PCNT: variants seen among roughly 807,000 people sequenced by gnomAD.
PCNT encodes kendrin.
In PCNT, 319 loss-of-function variants were observed where a neutral mutation model predicts 380.4. That is an observed-to-expected ratio of 0.84 (90% CI 0.77 to 0.92). The LOEUF is 0.92. PCNT is among the 40% of genes least tolerant of loss of function. The probability of loss-of-function intolerance (pLI) is 0.00; values close to 1 mark genes in which losing one functional copy is unlikely to be tolerated. For synonymous variants in PCNT, 1,845 were observed against 1,735.2 expected, an observed-to-expected ratio of 1.06 and a Z score of -1.57; for missense variants, 4,400 against 4,255.3, an observed-to-expected ratio of 1.03 and a Z score of -0.95.
At chr21:46,342,790 A>G (rs1434935994) in intron 3 of PCNT, among the ~76,000 whole-genome samples, 1 of 152,066 alleles carries the variant, frequency 6.6e-6, no homozygotes, top group African/African-American at 2.4e-5. Context: ...CGGCCTCCCA[A>G]AGTGCTGGGA....
rs892137240 is a variant in PCNT, at chr21:46,411,449, C to G, written c.5376C>G (p.Leu1792=). 1 of 1,610,954 alleles carries G rather than the reference C, an allele frequency of 6.2e-7. No individual in the cohort carries two copies. Among genetic ancestry groups the G allele is most frequent in the Non-Finnish European group, 8.5e-7 (1 of 1,179,320 alleles). ...GTGGGCAGGCCCTACAGGGCGAGCT[C>G]GAGGCTGCGCTGGAAGCCAAGGAGG... ...GPRGQALQGE[L]EAALEAKEAL... Residue 1792 remains leucine (L), a synonymous_variant, in exon 28 of 47, where the codon CTC becomes CTG. Transcript: ENST00000359568.
At chr21:46,430,474 G>A (rs1360947753) in intron 36 of PCNT, 33 bp from the exon 37 acceptor site, 20 of 1,549,112 alleles carry the variant, frequency 1.3e-5, no homozygotes, top group Non-Finnish European at 1.5e-5. Context: ...TCTGGCCCAC[G>A]TGGTCAGATT....
At chr21:46,351,751 A>C (rs2084281817) in intron 9 of PCNT, among the ~76,000 whole-genome samples, 2 of 152,246 alleles carry the variant, frequency 1.3e-5, no homozygotes, top group Non-Finnish European at 2.9e-5. Context: ...AAGTCAGTGC[A>C]GCAGTGACGT....
intron 11 of PCNT, 150 bp downstream of exon 11, chr21:46,354,218 T>G: frequency 1.3e-6 from 1 of 748,774 alleles, no homozygotes; most frequent in Non-Finnish European, 2.4e-6. Context: ...ACCTCACTGC[T>G]GCTCCGCGGT....
intron 44 of PCNT, chr21:46,442,803 A>G (rs1345194995): frequency 1.7e-6 from 1 of 592,576 alleles, no homozygotes; most frequent in Non-Finnish European, 3.0e-6. Flanking sequence ...CGGCGATGGG[A>G]AACACTGAGA....
rs73146772 is a variant in PCNT at position 46,418,563 on chromosome 21, C to T, written c.7024+257C>T. On this transcript the variant is annotated intron_variant, in intron 31 of 46. Coordinates refer to ENST00000359568, the MANE Select transcript of PCNT (RefSeq NM_006031.6). ...GTTCACCCTGATCCAAGGCTGGCAT[C>T]TCAGCTACAGCTACAGACCTTGCTC... Among the ~76,000 whole-genome samples, 419 of 152,386 alleles carry T rather than the reference C, an allele frequency of 2.7e-3. 2 individuals carry two copies. Among genetic ancestry groups the T allele is most frequent in the Non-Finnish European group, 4.6e-3 (310 of 68,048 alleles).
intron 27 of PCNT, 51 bp from the exon 28 acceptor site, chr21:46,411,138 A>G (rs780230536): frequency 6.4e-7 from 1 of 1,566,728 alleles, no homozygotes; most frequent in Non-Finnish European, 8.8e-7. Context: ...AAGTAGGGAC[A>G]TTCGGAAGTG....
At chr21:46,373,381 C>T (rs568923111) in intron 15 of PCNT, among the ~76,000 whole-genome samples, 6 of 150,838 alleles carry the variant, frequency 4.0e-5, no homozygotes, top group South Asian at 2.1e-4. Flanking sequence ...CAGGTTTGCG[C>T]GAGTAAGTTA....
intron 37 of PCNT, chr21:46,431,046 T>C: frequency 1.0e-6 from 1 of 985,458 alleles, no homozygotes; most frequent in Non-Finnish European, 1.2e-6. Flanking sequence ...CTGCTGTGGC[T>C]TCTGAGCAAG....
intron 32 of PCNT, among the ~76,000 whole-genome samples, chr21:46,422,995 C>T (rs1432832338): frequency 6.6e-6 from 1 of 152,158 alleles, no homozygotes; most frequent in African/African-American, 2.4e-5. Flanking sequence ...TGCCTATGAT[C>T]CCAGCACTTC....
intron 3 of PCNT, among the ~76,000 whole-genome samples, chr21:46,339,077 C>T (rs142099243): frequency 5.9e-4 from 90 of 152,016 alleles, no homozygotes; most frequent in African/African-American, 1.8e-3. Context: ...CCACCGCACC[C>T]GGCCTAATTT....
At chr21:46,343,955 G>C (rs1456646625) in intron 3 of PCNT, among the ~76,000 whole-genome samples, 1 of 151,964 alleles carries the variant, frequency 6.6e-6, no homozygotes, top group Non-Finnish European at 1.5e-5. Flanking sequence ...CTGTGGTATT[G>C]GTTGTAATGT....
chr21:46,366,868 T>A lies in PCNT; in HGVS notation c.2894T>A (p.Leu965Gln). 1.1e-5 allele frequency: 18 copies of A among 1,614,170 alleles called. No individual in the cohort carries two copies. The highest frequency in any genetic ancestry group is 1.5e-5 in the Non-Finnish European group (18 of 1,180,050). ...CTCGGCGCTCTGGAGACCAGACATC[T>A]GTCCAGCCTTGATTCTTTGGAATCC... ...ADLGALETRH[L>Q]SSLDSLESCY... is the part of the protein sequence containing the mutation. The change falls in exon 15 of 47, where the codon CTG (leucine) becomes CAG (glutamine). Residue 965 changes from leucine to glutamine, a missense_variant. Leu to Gln is a moderately radical substitution (Grantham distance 113, BLOSUM62 -2). Transcript: ENST00000359568.
At chr21:46,417,461 G>A (rs1255292258) in intron 30 of PCNT, among the ~76,000 whole-genome samples, 1 of 151,858 alleles carries the variant, frequency 6.6e-6, no homozygotes, top group African/African-American at 2.4e-5. Context: ...CAAAGTGCTG[G>A]GCTTACAGGC....
At chr21:46,336,966 A>T (rs2083759455) in intron 3 of PCNT, among the ~76,000 whole-genome samples, 1 of 148,786 alleles carries the variant, frequency 6.7e-6, no homozygotes, top group Non-Finnish European at 1.5e-5. Context: ...CTTTAAAAAA[A>T]AAAATTAGAA....
chr21:46,327,749 T>G (rs965527183), intron 2 of PCNT, among the ~76,000 whole-genome samples: 4 of 152,258 alleles, frequency 2.6e-5, no homozygotes, highest in Non-Finnish European at 5.9e-5. Context: ...TAAATGCACC[T>G]GCTTGTCACA....
chr21:46,388,929 CT>C lies in PCNT; in HGVS notation c.3607+46del. 4 of 1,551,544 alleles carry C rather than the reference CT, an allele frequency of 2.6e-6. No homozygotes were observed. The highest frequency in any genetic ancestry group is 3.5e-6 in the Non-Finnish European group (4 of 1,154,932). ...CTGCCCAGCCCTGTGCTTGCAGCCCCTCTGTGGTCCTGGAGCTCTCTGAGAG... is the reference window on the plus strand; with the variant it reads ...CTGCCCAGCCCTGTGCTTGCAGCCCCCTGTGGTCCTGGAGCTCTCTGAGAG... On this transcript the variant is annotated intron_variant, in intron 18 of 46. Transcript: ENST00000359568. This position sits in a 1 kb window ranked among gnomAD's most constrained non-coding sequence, Gnocchi z 4.2.
rs1302853233 is a variant in PCNT at position 46,412,036 on chromosome 21, C to G, written c.5963C>G (p.Ala1988Gly). 6.2e-7 allele frequency: 1 copy of G among 1,608,208 alleles called. No homozygotes were observed. The highest frequency in any genetic ancestry group is 8.5e-7 in the Non-Finnish European group (1 of 1,179,842). ...GGCGACGTGGAGGCCTCCCATGATG[C>G]TGCTTTGGAGCCGGTTGTCCCTGAC... ...VTGDVEASHDAALEPVVPDPQ... is the reference protein window; with the variant it reads ...VTGDVEASHDGALEPVVPDPQ... Residue 1988 changes from alanine to glycine, a missense_variant, in exon 28 of 47, where the codon GCT becomes GGT. Coordinates refer to ENST00000359568, the MANE Select transcript of PCNT (RefSeq NM_006031.6).
Position 46,351,474 on chromosome 21 carries a change from C to G in PCNT, c.1390C>G (p.Gln464Glu), listed in dbSNP as rs1236066548. 1 of 1,613,448 alleles carries G rather than the reference C, an allele frequency of 6.2e-7. No homozygotes were observed. Among genetic ancestry groups the G allele is most frequent in the South Asian group, 1.1e-5 (1 of 91,068 alleles). ...ATATGAAGACCTGAAGGCACAATCA[C>G]AAGAAGAGATCAGGCGCTTGTGGTC... is the stretch of plus-strand genomic sequence containing the variant. ...ASYEDLKAQS[Q>E]EEIRRLWSQL... Residue 464 changes from glutamine (Q) to glutamate (E), a missense_variant, in exon 9 of 47, where the codon CAA (glutamine) becomes GAA (glutamate). Transcript: ENST00000359568.
Sources: gnomAD v4.1 joint callset for allele counts (sites outside exome capture counted in the v4.1 genomes callset) on GRCh38, gnomAD v4.1.1 for gene constraint, Gnocchi (gnomAD v3.1) non-coding constraint, MANE v1.5 for transcripts, NCBI Gene and HGNC (gene_info 2026-07-23, HGNC 2026-07-21) for gene names.